Variants in SP100 observed in about 807,000 individuals in gnomAD.
SP100 encodes the protein SP100 nuclear body protein, also known as nuclear autoantigen Sp-100.
A neutral mutation model predicts 130.0 loss-of-function variants in SP100; 84 were observed. The ratio of observed to expected loss-of-function variants is 0.65; its 90% confidence interval spans 0.54 to 0.77. The LOEUF is 0.77. Among genes scored for constraint, SP100 ranks in the 30% least tolerant of loss-of-function variants. SP100 has a pLI of 0.00. For synonymous variants in SP100, 331 were observed against 351.7 expected (o/e 0.94, Z 0.66); for missense variants, 978 against 1,052.2 (o/e 0.93, Z 0.97).
intron 11 of SP100, among the ~76,000 whole-genome samples, chr2:230,465,800 T>C (rs2064913910): frequency 6.6e-6 from 1 of 152,022 alleles, no homozygotes; most frequent in African/African-American, 2.4e-5. Context: ...CACAGAGGAT[T>C]ATGGAGAGAG....
chr2:230,458,515 G>A (rs1465455931), intron 8 of SP100, among the ~76,000 whole-genome samples: 2 of 152,202 alleles, frequency 1.3e-5, no homozygotes, highest in African/African-American at 2.4e-5. Flanking sequence ...GTGTATGAGT[G>A]AGACAGATTT....
chr2:230,498,702 A>G (rs1282108557), intron 19 of SP100, among the ~76,000 whole-genome samples, 167 bp downstream of exon 19: 3 of 152,176 alleles, frequency 2.0e-5, no homozygotes, highest in Non-Finnish European at 4.4e-5. Context: ...TGATAACACC[A>G]CAAACAAGTA....
chr2:230,529,305 A>G (rs953004432), intron 24 of SP100, among the ~76,000 whole-genome samples: 8 of 152,224 alleles, frequency 5.3e-5, no homozygotes, highest in Non-Finnish European at 1.0e-4. Context: ...CCCATCACGT[A>G]AACAGAACCA....
At position 230,466,330 on chromosome 2, in the gene SP100, T is replaced by A; in HGVS notation, c.1171T>A (p.Phe391Ile). 1 of 1,583,938 alleles carries A rather than the reference T, an allele frequency of 6.3e-7. No homozygotes were observed. ...EPMDFRKLST[F>I]RESFKKRVIG... ...CATGGATTTCAGAAAATTATCTACA[T>A]TCAGAGAAAGTTTTAAGAAAAGAGG... Residue 391 changes from phenylalanine (F) to isoleucine (I), a missense_variant, in exon 12 of 29, where the codon TTC becomes ATC. Coordinates refer to ENST00000340126, the MANE Select transcript of SP100 (RefSeq NM_001080391.2).
At position 230,440,441 on chromosome 2, in the gene SP100, T is replaced by A. The variant is rs546804773; in HGVS notation, c.108-2496T>A. 74 of 735,616 alleles carry A rather than the reference T, an allele frequency of 1.0e-4. No homozygotes were observed. The African/African-American group carries it at 1.2e-3, about 12-fold the overall frequency. The allele number at this position is 735,616 out of a possible 1,614,324, so 45.6% of individuals were successfully genotyped here. ...AACTAGGAATAAATTTATTATTTTT[T>A]AAATTTAATTAAATTAAATTTTTTA... On this transcript the variant is annotated intron_variant, in intron 2 of 28. Coordinates refer to ENST00000340126, the MANE Select transcript of SP100 (RefSeq NM_001080391.2).
chr2:230,494,459 A>C lies in SP100; in HGVS notation c.1644A>C (p.Arg548Ser). 6.2e-7 allele frequency: 1 copy of C among 1,606,092 alleles called. No homozygotes were observed. The highest frequency in any genetic ancestry group is 8.5e-7 in the Non-Finnish European group (1 of 1,172,792). The change falls in exon 18 of 29, where the codon AGA becomes AGC. Residue 548 changes from arginine (R) to serine (S), a missense_variant and splice_region_variant. Transcript: ENST00000340126. ...GATCTAAAGTAAATGGTCTCCAAAG[A>C]GGTAAGAAGAAATGTGGGGATTTAC... ...RHRSKVNGLQ[R>S]GRKKDRPRKH...
At chr2:230,537,274 T>A (rs907981402) in intron 24 of SP100, among the ~76,000 whole-genome samples, 3 of 152,148 alleles carry the variant, frequency 2.0e-5, no homozygotes, top group Non-Finnish European at 4.4e-5. Context: ...AAAAATGCCA[T>A]GCAGCTGGAC....
intron 17 of SP100, among the ~76,000 whole-genome samples, chr2:230,476,314 G>A (rs1281036567): frequency 6.6e-6 from 1 of 152,134 alleles, no homozygotes; most frequent in East Asian, 1.9e-4. Context: ...AAATGGGACT[G>A]TGTTCTTCAT....
At chr2:230,541,060 C>A (rs1303952027) in intron 26 of SP100, 64 bp downstream of exon 26, 3 of 1,554,394 alleles carry the variant, frequency 1.9e-6, no homozygotes, top group East Asian at 2.3e-5. Flanking sequence ...GAAGCACAGT[C>A]TTACAAAGTG....
intron 8 of SP100, among the ~76,000 whole-genome samples, chr2:230,460,532 A>G (rs1224642760): frequency 6.7e-6 from 1 of 149,124 alleles, no homozygotes; most frequent in Non-Finnish European, 1.5e-5. Context: ...TGAGCAAGTT[A>G]GTGGAAACAG....
intron 25 of SP100, 93 bp from the exon 26 acceptor site, chr2:230,540,783 C>T (rs1692142721): frequency 1.3e-6 from 2 of 1,482,924 alleles, no homozygotes; most frequent in Non-Finnish European, 1.8e-6. Context: ...GTGGAAACCA[C>T]TAGGCATTCT....
chr2:230,484,172 C>T (rs1424440111), intron 17 of SP100, among the ~76,000 whole-genome samples: 3 of 152,200 alleles, frequency 2.0e-5, no homozygotes, highest in Non-Finnish European at 4.4e-5. Context: ...AAATAGACCA[C>T]AAACGGACTC....
chr2:230,505,646 A>T (rs138370960), intron 21 of SP100, among the ~76,000 whole-genome samples: 3 of 152,358 alleles, frequency 2.0e-5, no homozygotes, highest in African/African-American at 7.2e-5. Flanking sequence ...TTCATCTGTC[A>T]TGGTTGACAC....
intron 17 of SP100, among the ~76,000 whole-genome samples, chr2:230,476,283 C>T (rs752733442): frequency 8.5e-5 from 13 of 152,146 alleles, no homozygotes; most frequent in Non-Finnish European, 1.8e-4. Flanking sequence ...CTAGGGATCT[C>T]ATTTTCTTTA....
chr2:230,430,449 G>T (rs73000218), intron 2 of SP100, among the ~76,000 whole-genome samples: 1,638 of 152,314 alleles, frequency 0.011, 19 homozygotes, highest in Middle Eastern at 0.037. Context: ...CCAGAGTAGG[G>T]CCACTGGCTG....
chr2:230,426,746 T>C (rs1018933849), intron 2 of SP100, among the ~76,000 whole-genome samples: 12 of 152,192 alleles, frequency 7.9e-5, no homozygotes, highest in Non-Finnish European at 1.6e-4. Context: ...AAGTGTTCTA[T>C]ATATGTTTGT....
chr2:230,542,565 C>T (rs1692219842), intron 28 of SP100, among the ~76,000 whole-genome samples: 1 of 152,156 alleles, frequency 6.6e-6, no homozygotes, highest in Admixed American at 6.5e-5. Flanking sequence ...TCAGAAAATG[C>T]TGTGCATAAA....
At chr2:230,525,271 C>T (rs893278536) in intron 24 of SP100, among the ~76,000 whole-genome samples, 1 of 152,070 alleles carries the variant, frequency 6.6e-6, no homozygotes, top group Non-Finnish European at 1.5e-5. Context: ...GTGTGTCTAT[C>T]TTCATGAGCG....
At chr2:230,416,539 C>T (rs1217193433) in intron 1 of SP100, among the ~76,000 whole-genome samples, 1 of 152,126 alleles carries the variant, frequency 6.6e-6, no homozygotes, top group Non-Finnish European at 1.5e-5. Flanking sequence ...GTTCAACTTG[C>T]CATAACACAC....
Sources: allele counts gnomAD v4.1 joint callset (sites outside exome capture counted in the v4.1 genomes callset), GRCh38; gene constraint gnomAD v4.1.1; transcripts MANE v1.5; gene names NCBI Gene and HGNC (gene_info 2026-07-23, HGNC 2026-07-21).